The following ATRNL1 variants were observed in gnomAD, a reference collection of about 807,000 sequenced individuals.
The protein encoded by ATRNL1 is attractin like 1, also known as attractin-like protein 1.
A neutral mutation model predicts 182.7 loss-of-function variants in ATRNL1; 95 were observed. The ratio of observed to expected loss-of-function variants is 0.52; its 90% CI spans 0.44 to 0.62. ATRNL1 has a LOEUF of 0.62. Ranked by LOEUF, ATRNL1 falls within the 20% of genes least tolerant of loss-of-function variation. The pLI, the probability that ATRNL1 is intolerant of heterozygous loss-of-function variation, is 0.00. For synonymous variants in ATRNL1, 576 were observed against 568.3 expected (o/e 1.01, Z -0.19); for missense variants, 1,471 against 1,679.5 (o/e 0.88, Z 2.17).
chr10:115,811,149 G>T (rs1950038116), intron 27 of ATRNL1, among the ~76,000 whole-genome samples: 2 of 151,842 alleles, frequency 1.3e-5, no homozygotes, highest in South Asian at 4.1e-4. Context: ...TCCTTTAGCT[G>T]CATTGCACAA....
At chr10:115,772,593 C>CTGTGTGTGTGTG (rs71475107) in intron 27 of ATRNL1, among the ~76,000 whole-genome samples, 4,778 of 125,432 alleles carry the variant, frequency 0.038, 120 homozygotes, top group East Asian at 0.1. Flanking sequence ...AATATATACT[C>CTGTGTGTGTGTG]TGTCTGTGTG....
intron 24 of ATRNL1, among the ~76,000 whole-genome samples, chr10:115,485,491 G>A (rs1554974959): frequency 1.3e-5 from 2 of 151,992 alleles, no homozygotes; most frequent in African/African-American, 4.8e-5. Context: ...TGGTGCAAAT[G>A]TTTAACATCC....
chr10:115,599,415 T>C (rs1174606995), intron 26 of ATRNL1, among the ~76,000 whole-genome samples: 2 of 152,180 alleles, frequency 1.3e-5, no homozygotes, highest in African/African-American at 2.4e-5. Flanking sequence ...GACAGTTAAT[T>C]AGTTACAGAA....
At chr10:115,766,463 C>T (rs1008684394) in intron 27 of ATRNL1, among the ~76,000 whole-genome samples, 6 of 152,174 alleles carry the variant, frequency 3.9e-5, no homozygotes, top group Non-Finnish European at 8.8e-5. Context: ...CTCTCACTGA[C>T]AATTATGAAA....
intron 9 of ATRNL1, among the ~76,000 whole-genome samples, chr10:115,240,639 A>G (rs1850380257): frequency 6.6e-6 from 1 of 152,218 alleles, no homozygotes; most frequent in African/African-American, 2.4e-5. Context: ...ACTATACTTT[A>G]CGTATTAGCT....
chr10:115,444,283 A>G (rs1846849052), intron 21 of ATRNL1, among the ~76,000 whole-genome samples: 1 of 152,090 alleles, frequency 6.6e-6, no homozygotes, highest in Admixed American at 6.6e-5. Context: ...CTAGATAGTT[A>G]CAGTAATTAA....
At chr10:115,167,873 A>G (rs1554884715) in intron 7 of ATRNL1, among the ~76,000 whole-genome samples, 1 of 152,070 alleles carries the variant, frequency 6.6e-6, no homozygotes, top group Admixed American at 6.6e-5. Flanking sequence ...GTATATTCAG[A>G]GTTGTGCAAC....
intron 13 of ATRNL1, among the ~76,000 whole-genome samples, chr10:115,280,193 T>C: frequency 6.6e-6 from 1 of 152,194 alleles, no homozygotes; most frequent in East Asian, 1.9e-4. Context: ...GCTAAAAGCC[T>C]AACCCTGTAC....
chr10:115,216,604 A>C (rs1264748), intron 9 of ATRNL1, among the ~76,000 whole-genome samples: 54,652 of 151,660 alleles, frequency 0.36, 10,333 homozygotes, highest in African/African-American at 0.47. Context: ...ATTAATTTTT[A>C]ATTTATTGAT....
At chr10:115,212,130 C>T (rs952041181) in intron 8 of ATRNL1, among the ~76,000 whole-genome samples, 1 of 151,798 alleles carries the variant, frequency 6.6e-6, no homozygotes, top group African/African-American at 2.4e-5. Context: ...TCTTGTCACA[C>T]AGGTGTACTG....
intron 25 of ATRNL1, among the ~76,000 whole-genome samples, chr10:115,522,515 A>G (rs1328087604): frequency 6.6e-6 from 1 of 152,208 alleles, no homozygotes; most frequent in Non-Finnish European, 1.5e-5. Flanking sequence ...ATCTCCAACG[A>G]TGGGTATCAA....
At chr10:115,729,023 CAA>C (rs1177575887) in intron 27 of ATRNL1, among the ~76,000 whole-genome samples, 2 of 151,054 alleles carry the variant, frequency 1.3e-5, no homozygotes, top group African/African-American at 4.9e-5. Flanking sequence ...AATCGAGTAA[CAA>C]GAGAAAAAAA....
chr10:115,290,913 T>C (rs1484956530), intron 15 of ATRNL1, among the ~76,000 whole-genome samples: 2 of 152,218 alleles, frequency 1.3e-5, no homozygotes, highest in East Asian at 1.9e-4. Flanking sequence ...ATGGGTTCTC[T>C]ACTTGGCTAG....
intron 1 of ATRNL1, among the ~76,000 whole-genome samples, 189 bp downstream of exon 1, chr10:115,094,232 C>G (rs541870536): frequency 4.6e-5 from 7 of 151,786 alleles, no homozygotes; most frequent in African/African-American, 1.7e-4. Context: ...CCCGGGGCGC[C>G]CCGGGAGAGC....
intron 26 of ATRNL1, among the ~76,000 whole-genome samples, chr10:115,704,128 C>A (rs1022321002): frequency 6.6e-6 from 1 of 151,922 alleles, no homozygotes; most frequent in Non-Finnish European, 1.5e-5. Flanking sequence ...GAAATGTATT[C>A]TTTTACGATT....
chr10:115,725,714 C>T (rs1223846939), intron 26 of ATRNL1, among the ~76,000 whole-genome samples: 1 of 147,630 alleles, frequency 6.8e-6, no homozygotes, highest in Non-Finnish European at 1.5e-5. Flanking sequence ...AGACGAAGAA[C>T]CTGGTGTCTT....
chr10:115,337,246 A>C (rs1554937025), intron 19 of ATRNL1, among the ~76,000 whole-genome samples: 1 of 152,144 alleles, frequency 6.6e-6, no homozygotes, highest in Non-Finnish European at 1.5e-5. Flanking sequence ...GGTACATGAA[A>C]TATCTTGATA....
chr10:115,777,570 T>A (rs968730814), intron 27 of ATRNL1, among the ~76,000 whole-genome samples: 1 of 152,182 alleles, frequency 6.6e-6, no homozygotes, highest in African/African-American at 2.4e-5. Context: ...TATTTTAAGA[T>A]AAGTTTTACT....
chr10:115,361,699 G>A (rs1856756723), intron 19 of ATRNL1, among the ~76,000 whole-genome samples: 1 of 151,996 alleles, frequency 6.6e-6, no homozygotes, highest in Admixed American at 6.6e-5. Flanking sequence ...GTGACCCTTA[G>A]AATATATGGT....
Sources: allele counts gnomAD v4.1 joint callset (sites outside exome capture counted in the v4.1 genomes callset), GRCh38; gene constraint gnomAD v4.1.1; transcripts MANE v1.5; gene names NCBI Gene and HGNC (gene_info 2026-07-23, HGNC 2026-07-21).